Variants in SYNE2 observed in about 807,000 individuals in gnomAD.
SYNE2 encodes spectrin repeat containing nuclear envelope protein 2.
In SYNE2, 431 loss-of-function variants were observed where a neutral mutation model predicts 856.3. That is an observed-to-expected ratio of 0.50 (90% CI 0.47 to 0.55). SYNE2 has a LOEUF of 0.55. Among genes scored for constraint, SYNE2 ranks in the 20% least tolerant of loss-of-function variants. SYNE2 has a pLI of 0.00. For missense variants in SYNE2, 8,129 were observed against 8,023.2 expected (o/e 1.01, Z -0.50); for synonymous variants, 2,923 against 2,872.3 (o/e 1.02, Z -0.56).
chr14:63,780,067 A>G (rs927727123), intron 1 of SYNE2, among the ~76,000 whole-genome samples: 1 of 152,256 alleles, frequency 6.6e-6, no homozygotes, highest in African/African-American at 2.4e-5. Flanking sequence ...ACACATGGTC[A>G]ATATTTTAAA....
intron 30 of SYNE2, among the ~76,000 whole-genome samples, chr14:64,006,315 G>A (rs946385540): frequency 6.6e-6 from 1 of 151,892 alleles, no homozygotes; most frequent in East Asian, 1.9e-4. Context: ...CTCCTTGGCC[G>A]CCCCATCCCT....
At chr14:63,856,808 A>T (rs554745444) in intron 1 of SYNE2, among the ~76,000 whole-genome samples, 1 of 152,062 alleles carries the variant, frequency 6.6e-6, no homozygotes, top group Non-Finnish European at 1.5e-5. Context: ...GTCTCGTTCT[A>T]TCACCCAGGC....
intron 6 of SYNE2, among the ~76,000 whole-genome samples, chr14:63,948,029 C>A (rs1036121539): frequency 6.6e-6 from 1 of 152,148 alleles, no homozygotes; most frequent in African/African-American, 2.4e-5. Flanking sequence ...TGATATCCGA[C>A]AGTGTAAGTT....
rs758155150 is a variant in SYNE2, at chr14:64,090,926, G to A, written c.11854G>A (p.Val3952Met). The A allele has an allele frequency of 2.1e-5, 34 of 1,614,012 alleles. 1 individual carries two copies. In the South Asian group the frequency reaches 3.6e-4, roughly 17 times the overall value. ...CATTGCTGAGATAGTGTCTTACCAA[G>A]TGGAACTGAGGTTGCCCCAAACAGG... ...KTIAEIVSYQ[V>M]ELRLPQTGMK... The change falls in exon 60 of 116, where the codon GTG becomes ATG. Residue 3952 changes from valine to methionine, a missense_variant. By Grantham distance (21) the Val-to-Met change is conservative. This residue lies in a region of SYNE2 where 5,410 missense variants were observed against 5,284.8 expected (regional missense o/e 1.02). Coordinates refer to ENST00000555002, the MANE Select transcript of SYNE2 (RefSeq NM_182914.3).
At chr14:63,870,205 T>C (rs1431964802) in intron 1 of SYNE2, among the ~76,000 whole-genome samples, 3 of 152,164 alleles carry the variant, frequency 2.0e-5, no homozygotes, top group Non-Finnish European at 4.4e-5. Flanking sequence ...TGTGCTTTTC[T>C]TCAGCCCACA....
At chr14:64,176,678 C>T (rs184168783) in intron 95 of SYNE2, among the ~76,000 whole-genome samples, 1 of 152,296 alleles carries the variant, frequency 6.6e-6, no homozygotes, top group East Asian at 1.9e-4. Context: ...CTAACAGTTA[C>T]TCCGTACAGT....
intron 2 of SYNE2, among the ~76,000 whole-genome samples, chr14:63,935,913 C>T (rs2095824770): frequency 6.6e-6 from 1 of 152,160 alleles, no homozygotes; most frequent in South Asian, 2.1e-4. Flanking sequence ...CTCGCTCTGT[C>T]ACCCGGGCTG....
rs139121979 is a variant in SYNE2, at chr14:64,155,930, C to T, written c.15793-2695C>T. 1.2e-4 allele frequency among the ~76,000 whole-genome samples: 19 copies of T among 152,228 alleles called. 1 individual carries two copies. In the East Asian group the frequency reaches 3.3e-3, roughly 26 times the overall value. The stretch of plus-strand genomic sequence containing the variant: ...GTTTCTGCCTAAATAAGGATCCTGG[C>T]GGCACCATTTTTGATCTGTATCTTC... On this transcript the variant is annotated intron_variant, in intron 85 of 115. Coordinates refer to ENST00000555002, the MANE Select transcript of SYNE2 (RefSeq NM_182914.3).
intron 79 of SYNE2, among the ~76,000 whole-genome samples, chr14:64,139,601 C>A (rs949524570): frequency 4.6e-5 from 7 of 151,796 alleles, no homozygotes; most frequent in Admixed American, 6.6e-5. Flanking sequence ...TTAGTAGAGA[C>A]AGGGTTTTAC....
At chr14:64,009,535 C>CA (rs67434536) in intron 31 of SYNE2, among the ~76,000 whole-genome samples, 1,064 of 77,084 alleles carry the variant, frequency 0.014, 14 homozygotes, top group Non-Finnish European at 0.019. Context: ...GACTCTGTCT[C>CA]AAAAAAAAAA....
Position 64,000,547 on chromosome 14 carries a change from A to G in SYNE2, c.3481-15A>G. On this transcript the variant is annotated splice_polypyrimidine_tract_variant and intron_variant, in intron 27 of 115. Transcript: ENST00000555002. ...ACCCCATTAGTTGATAAATTAATTTATGTGTTCCATCTAGGTCATAAAAAA... is the reference window on the plus strand; with the variant it reads ...ACCCCATTAGTTGATAAATTAATTTGTGTGTTCCATCTAGGTCATAAAAAA... 1 of 1,609,610 alleles carries G rather than the reference A, an allele frequency of 6.2e-7. No homozygotes were observed. Among genetic ancestry groups the G allele is most frequent in the Non-Finnish European group, 8.5e-7 (1 of 1,176,394 alleles).
intron 105 of SYNE2, among the ~76,000 whole-genome samples, chr14:64,213,441 C>G (rs1198193477): frequency 6.6e-6 from 1 of 152,150 alleles, no homozygotes; most frequent in Non-Finnish European, 1.5e-5. Context: ...AGAGAAAACA[C>G]AAGAGTTTCA....
intron 49 of SYNE2, among the ~76,000 whole-genome samples, chr14:64,057,132 C>A (rs1046721324): frequency 6.6e-6 from 1 of 152,076 alleles, no homozygotes; most frequent in East Asian, 1.9e-4. Context: ...TACAAACAAT[C>A]CAACTGTACT....
intron 82 of SYNE2, among the ~76,000 whole-genome samples, chr14:64,142,300 A>G (rs1382246255): frequency 6.6e-6 from 1 of 152,102 alleles, no homozygotes; most frequent in Non-Finnish European, 1.5e-5. Context: ...CCACAGGACA[A>G]TCCAAGCAAG....
At chr14:63,815,383 A>C (rs1365151082) in intron 1 of SYNE2, among the ~76,000 whole-genome samples, 1 of 151,762 alleles carries the variant, frequency 6.6e-6, no homozygotes, top group Non-Finnish European at 1.5e-5. Context: ...CCAATGTTTG[A>C]GGGCAGGAAG....
At chr14:63,959,055 CCAGTCTTAGGAT>C (rs1384155566) in intron 8 of SYNE2, among the ~76,000 whole-genome samples, 1 of 151,966 alleles carries the variant, frequency 6.6e-6, no homozygotes, top group Non-Finnish European at 1.5e-5. Context: ...ATTTCCTGCC[CCAGTCTTAGGAT>C]CAGTCATTTC....
At chr14:64,134,480 T>C (rs1024652272) in intron 78 of SYNE2, among the ~76,000 whole-genome samples, 1 of 152,110 alleles carries the variant, frequency 6.6e-6, no homozygotes, top group African/African-American at 2.4e-5. Flanking sequence ...TCTTTATCTG[T>C]GGAATGCAGA....
intron 85 of SYNE2, among the ~76,000 whole-genome samples, chr14:64,158,364 C>T (rs1349698782): frequency 6.6e-6 from 1 of 152,136 alleles, no homozygotes; most frequent in Non-Finnish European, 1.5e-5. Flanking sequence ...GTGTTCTTTC[C>T]CTGGGCTGTC....
intron 2 of SYNE2, among the ~76,000 whole-genome samples, chr14:63,909,841 CAAAT>C (rs1375508333): frequency 1.3e-5 from 2 of 152,126 alleles, no homozygotes; most frequent in Admixed American, 6.5e-5. Flanking sequence ...AACTCCATCT[CAAAT>C]AAATGAATGA....
Sources: allele counts gnomAD v4.1 joint callset (sites outside exome capture counted in the v4.1 genomes callset), GRCh38; gene constraint gnomAD v4.1.1; regional missense constraint gnomAD v4.1.1; transcripts MANE v1.5; gene names NCBI Gene and HGNC (gene_info 2026-07-23, HGNC 2026-07-21).